Variants in AP3S2 observed in about 807,000 individuals in gnomAD.
AP3S2 encodes the protein adaptor related protein complex 3 subunit sigma 2, also known as AP-3 complex subunit sigma-2.
In AP3S2, 22 loss-of-function variants were observed where a neutral mutation model predicts 23.4. The ratio of observed to expected loss-of-function variants is 0.94; its 90% confidence interval spans 0.67 to 1.34. The LOEUF is 1.34. Ranked by LOEUF, AP3S2 falls within the 40% of genes most tolerant of loss-of-function variation. The pLI is 0.00. For synonymous variants in AP3S2, 86 were observed against 87.1 expected (o/e 0.99, Z 0.07); for missense variants, 241 against 236.9 (o/e 1.02, Z -0.11).
chr15:89,867,967 C>A lies in AP3S2; in HGVS notation c.345+3508G>T, dbSNP rs557583265. 2.9e-3 allele frequency among the ~76,000 whole-genome samples: 422 copies of A among 147,852 alleles called. 1 individual carries two copies. The highest frequency in any genetic ancestry group is 4.8e-3 in the Non-Finnish European group (317 of 66,438). On this transcript the variant is annotated intron_variant, in intron 4 of 5. Transcript: ENST00000336418. ...CGGCCAGCCGCCCCATCCGGCCAGC[C>A]GTGCCATCCGGGAGGGAGGTGGGGG...
intron 3 of AP3S2, among the ~76,000 whole-genome samples, chr15:89,875,625 A>G (rs1896424671): frequency 6.6e-6 from 1 of 152,192 alleles, no homozygotes; most frequent in South Asian, 2.1e-4. Context: ...AAAGAACATT[A>G]TTCTGATAAA....
intron 4 of AP3S2, among the ~76,000 whole-genome samples, chr15:89,870,938 T>G (rs766518315): frequency 5.9e-5 from 9 of 152,166 alleles, no homozygotes; most frequent in Non-Finnish European, 1.3e-4. Context: ...GCAAAACAAA[T>G]CTGAGAACAC....
intron 3 of AP3S2, among the ~76,000 whole-genome samples, chr15:89,871,844 C>T (rs1431434217): frequency 3.3e-5 from 5 of 152,086 alleles, no homozygotes; most frequent in Non-Finnish European, 2.9e-5. Context: ...CATGGTGGCT[C>T]ATACTTACAA....
chr15:89,850,333 T>C (rs1895616072), intron 4 of AP3S2, among the ~76,000 whole-genome samples: 1 of 152,220 alleles, frequency 6.6e-6, no homozygotes, highest in South Asian at 2.1e-4. Context: ...GGATCATACA[T>C]TGTTTCAGTG....
At chr15:89,877,068 C>A in intron 3 of AP3S2, 1 of 277,448 alleles carries the variant, frequency 3.6e-6, no homozygotes, top group Non-Finnish European at 7.2e-6. Flanking sequence ...CTTTGGGAAA[C>A]AAGGACCAAA....
chr15:89,845,993 C>T (rs1453451520), intron 4 of AP3S2, among the ~76,000 whole-genome samples: 1 of 152,126 alleles, frequency 6.6e-6, no homozygotes, highest in Non-Finnish European at 1.5e-5. Flanking sequence ...ATAATTACAA[C>T]CAGGATGAGT....
rs1354797041 is a variant in AP3S2, at chr15:89,835,079, G to C, written c.*436C>G. The C allele has an allele frequency of 5.4e-6, 1 of 186,692 alleles. No individual in the cohort carries two copies. The highest frequency in any genetic ancestry group is 2.3e-5 in the African/African-American group (1 of 42,834). 11.6% of individuals were successfully genotyped at this position (186,692 alleles called of 1,614,324 possible). On this transcript the variant is annotated 3_prime_UTR_variant, in exon 6 of 6. Transcript: ENST00000336418. ...CCTCACCAGCAAGTAAAGGGCACAG[G>C]ACCTCAGAAGTCTGTGGTGCTAAGG...
At chr15:89,889,685 AAAAC>A (rs1276993522) in intron 1 of AP3S2, among the ~76,000 whole-genome samples, 6 of 151,856 alleles carry the variant, frequency 4.0e-5, no homozygotes, top group Non-Finnish European at 8.8e-5. Flanking sequence ...AATACAAAAA[AAAAC>A]AAAACAAAAT....
At chr15:89,838,944 T>C (rs907458088) in intron 4 of AP3S2, among the ~76,000 whole-genome samples, 4 of 152,074 alleles carry the variant, frequency 2.6e-5, no homozygotes, top group African/African-American at 7.2e-5. Context: ...GAGAAGGTAA[T>C]TTGGGTCTGG....
chr15:89,887,441 G>A (rs1018453551), intron 3 of AP3S2, among the ~76,000 whole-genome samples: 3 of 151,642 alleles, frequency 2.0e-5, no homozygotes, highest in Admixed American at 6.6e-5. Context: ...GTGCGATCTC[G>A]GCTCACTGCA....
intron 3 of AP3S2, among the ~76,000 whole-genome samples, chr15:89,872,887 C>G (rs1896353727): frequency 6.6e-6 from 1 of 152,188 alleles, no homozygotes; most frequent in African/African-American, 2.4e-5. Context: ...GACTGGTAAC[C>G]AGTGCACTGT....
In AP3S2 at chr15:89,857,233, C is replaced by T. The variant is rs376928022; in HGVS notation, c.345+14242G>A. ...CTGACCTCAAGTGATCCATCCACCT[C>T]GGCCTCCCAAAGTGCTGGGATTACA... On this transcript the variant is annotated intron_variant, in intron 4 of 5. Transcript: ENST00000336418. Among the ~76,000 whole-genome samples, 12 of 152,134 alleles carry T rather than the reference C, an allele frequency of 7.9e-5. No homozygotes were observed. The East Asian group carries it at 1.2e-3, about 15-fold the overall frequency.
At position 89,888,553 on chromosome 15, in the gene AP3S2, C is replaced by G; in HGVS notation, c.241G>C (p.Glu81Gln). The change falls in exon 3 of 6, where the codon GAG becomes CAG. Residue 81 changes from glutamate to glutamine, a missense_variant. Coordinates refer to ENST00000336418, the MANE Select transcript of AP3S2 (RefSeq NM_005829.5). ...AGGTCCAAGATTCCAAGTTCACTCTCTGAGGAATCCACACAAAATACAAAG... is the reference window on the plus strand; with the variant it reads ...AGGTCCAAGATTCCAAGTTCACTCTGTGAGGAATCCACACAAAATACAAAG... ...LYFVFCVDSS[E>Q]SELGILDLIQ... 6.2e-7 allele frequency: 1 copy of G among 1,614,234 alleles called. No homozygotes were observed. Among genetic ancestry groups the G allele is most frequent in the Non-Finnish European group, 8.5e-7 (1 of 1,180,046 alleles).
chr15:89,866,757 C>A (rs139470679), intron 4 of AP3S2, among the ~76,000 whole-genome samples: 2 of 151,560 alleles, frequency 1.3e-5, no homozygotes, highest in African/African-American at 2.4e-5. Context: ...CGTTAGCCAC[C>A]GCACCCGGCC....
At chr15:89,882,475 C>T (rs1482003671) in intron 3 of AP3S2, among the ~76,000 whole-genome samples, 3 of 151,946 alleles carry the variant, frequency 2.0e-5, no homozygotes, top group African/African-American at 7.3e-5. Flanking sequence ...CCTACCTCAG[C>T]CTCCTGAGTA....
intron 1 of AP3S2, among the ~76,000 whole-genome samples, chr15:89,889,769 CA>C (rs1896777054): frequency 7.4e-6 from 1 of 135,778 alleles, no homozygotes; most frequent in African/African-American, 2.8e-5. Flanking sequence ...GAGGCTGAGG[CA>C]GGAGAACTGC....
intron 4 of AP3S2, among the ~76,000 whole-genome samples, chr15:89,844,603 C>G (rs1357640656): frequency 1.3e-5 from 2 of 152,018 alleles, no homozygotes; most frequent in Non-Finnish European, 2.9e-5. Context: ...CCCGCCTCAG[C>G]CTTCCAAAGC....
At chr15:89,868,756 G>A (rs1896232810) in intron 4 of AP3S2, among the ~76,000 whole-genome samples, 1 of 118,986 alleles carries the variant, frequency 8.4e-6, no homozygotes, top group African/African-American at 3.4e-5. Flanking sequence ...CCTCTGCCCG[G>A]CCGCCCCTAC....
chr15:89,863,176 G>A (rs886522448), intron 4 of AP3S2, among the ~76,000 whole-genome samples: 2 of 152,182 alleles, frequency 1.3e-5, no homozygotes, highest in Non-Finnish European at 2.9e-5. Context: ...ACGGCCACAG[G>A]ATTTGAAAAT....
Sources: allele counts gnomAD v4.1 joint callset (sites outside exome capture counted in the v4.1 genomes callset), GRCh38; gene constraint gnomAD v4.1.1; transcripts MANE v1.5; gene names NCBI Gene and HGNC (gene_info 2026-07-23, HGNC 2026-07-21).